The following PPP4R3B variants were observed in gnomAD, a reference collection of about 807,000 sequenced individuals.
PPP4R3B encodes the protein serine/threonine-protein phosphatase 4 regulatory subunit 3B.
Under a neutral mutation model 95.4 loss-of-function variants are expected in PPP4R3B, and 52 were observed. That is an observed-to-expected ratio of 0.54 (90% confidence interval 0.44 to 0.69). The LOEUF (loss-of-function observed/expected upper bound fraction) is 0.69, where lower values mean the gene tolerates loss of function less well. Among genes scored for constraint, PPP4R3B ranks in the 30% least tolerant of loss-of-function variants. The pLI, the probability that PPP4R3B is intolerant of heterozygous loss-of-function variation, is 0.00. For missense variants in PPP4R3B, 1,003 were observed against 1,005.9 expected (o/e 1.00, Z 0.04); for synonymous variants, 407 against 343.9 (o/e 1.18, Z -2.03).
chr2:55,601,934 T>TTAAAC (rs780929808), intron 3 of PPP4R3B, among the ~76,000 whole-genome samples: 1 of 152,138 alleles, frequency 6.6e-6, no homozygotes, highest in Non-Finnish European at 1.5e-5. Flanking sequence ...ATTTGAATAA[T>TTAAAC]TAAACTAAAC....
Position 55,551,236 on chromosome 2 carries a change from C to A in PPP4R3B, c.2455-1230G>T, listed in dbSNP as rs111353219. Among the ~76,000 whole-genome samples the A allele has an allele frequency of 8.0e-4, 122 of 152,172 alleles. 1 individual carries two copies. Among genetic ancestry groups the A allele is most frequent in the African/African-American group, 2.7e-3 (112 of 41,510 alleles). On this transcript the variant is annotated intron_variant, in intron 16 of 16. Transcript: ENST00000616407. ...TGGCGTGATGGCAGGCACCTGTAGT[C>A]CCAGCTACTCGGGAGGCTGAGGGAC...
intron 16 of PPP4R3B, 71 bp from the exon 17 acceptor site, chr2:55,550,077 C>G: frequency 1.1e-6 from 1 of 944,008 alleles, no homozygotes; most frequent in Non-Finnish European, 1.6e-6. Context: ...CAAATACAAT[C>G]ACTTGTAAAA....
intron 6 of PPP4R3B, 126 bp from the exon 7 acceptor site, chr2:55,585,293 A>G: frequency 6.7e-6 from 4 of 596,794 alleles, no homozygotes; most frequent in Non-Finnish European, 8.6e-6. Context: ...ACTGCAATCA[A>G]TGTGTATAAC....
intron 2 of PPP4R3B, among the ~76,000 whole-genome samples, chr2:55,613,610 C>A (rs1184952436): frequency 6.6e-6 from 1 of 152,000 alleles, no homozygotes; most frequent in Non-Finnish European, 1.5e-5. Context: ...GTATTTTTAA[C>A]TTATGTTGGG....
In PPP4R3B at chr2:55,580,721, A is replaced by G. The variant is rs1037928072; in HGVS notation, c.1365+846T>C. Among the ~76,000 whole-genome samples the G allele has an allele frequency of 7.9e-5, 12 of 152,330 alleles. No homozygotes were observed. In the South Asian group the frequency reaches 8.3e-4, roughly 11 times the overall value. ...ATTTTTTACACAATTGGGTATACAAACTTGTAATGATTTAAAAACGATGTA... is the reference window on the plus strand; with the variant it reads ...ATTTTTTACACAATTGGGTATACAAGCTTGTAATGATTTAAAAACGATGTA... On this transcript the variant is annotated intron_variant, in intron 8 of 16. Transcript: ENST00000616407.
intron 15 of PPP4R3B, among the ~76,000 whole-genome samples, chr2:55,559,980 G>C (rs1686382065): frequency 6.6e-6 from 1 of 152,074 alleles, no homozygotes; most frequent in African/African-American, 2.4e-5. Flanking sequence ...AAATTAGCTG[G>C]GGGTGGTGGT....
At position 55,617,346 on chromosome 2, in the gene PPP4R3B, C is replaced by G; in HGVS notation, c.-61G>C. 1 of 1,489,490 alleles carries G rather than the reference C, an allele frequency of 6.7e-7. No individual in the cohort carries two copies. The highest frequency in any genetic ancestry group is 9.0e-7 in the Non-Finnish European group (1 of 1,114,348). The allele number at this position is 1,489,490 out of a possible 1,614,324, so 92.3% of individuals were successfully genotyped here. ...CCTCGCTTACCTCGTCCGCGCTCCT[C>G]ACTCTTAGGAGACGGTAAAGGCAGT... On this transcript the variant is annotated 5_prime_UTR_variant, in exon 1 of 17. Coordinates refer to ENST00000616407, the MANE Select transcript of PPP4R3B (RefSeq NM_001122964.3).
At chr2:55,576,455 A>G (rs1461058216) in intron 11 of PPP4R3B, among the ~76,000 whole-genome samples, 3 of 151,786 alleles carry the variant, frequency 2.0e-5, no homozygotes, top group Non-Finnish European at 4.4e-5. Context: ...TAAAAAAACA[A>G]AAACAGGCCG....
At chr2:55,582,921 G>C (rs374491715) in intron 7 of PPP4R3B, among the ~76,000 whole-genome samples, 7 of 152,218 alleles carry the variant, frequency 4.6e-5, no homozygotes, top group Non-Finnish European at 8.8e-5. Context: ...ATAAAAATAT[G>C]TGCAATCTGT....
At chr2:55,596,536 A>G (rs192233178) in intron 4 of PPP4R3B, among the ~76,000 whole-genome samples, 4 of 152,372 alleles carry the variant, frequency 2.6e-5, no homozygotes, top group Admixed American at 2.6e-4. Context: ...TTCTGTTTCC[A>G]AAGTCAATAT....
intron 12 of PPP4R3B, among the ~76,000 whole-genome samples, chr2:55,569,568 ATC>A (rs942155988): frequency 1.3e-5 from 2 of 152,096 alleles, no homozygotes; most frequent in African/African-American, 2.4e-5. Context: ...GGTGTAAGCT[ATC>A]TCTCTCTCTT....
At chr2:55,576,860 C>G (rs1401170410) in intron 11 of PPP4R3B, among the ~76,000 whole-genome samples, 1 of 152,170 alleles carries the variant, frequency 6.6e-6, no homozygotes, top group African/African-American at 2.4e-5. Context: ...TTTGATGAGG[C>G]TGGCAGAAAA....
At chr2:55,579,898 G>A in intron 8 of PPP4R3B, 117 bp from the exon 9 acceptor site, 1 of 530,658 alleles carries the variant, frequency 1.9e-6, no homozygotes, top group Non-Finnish European at 3.2e-6. Context: ...TAGCAGTACA[G>A]ATCATATATA....
Position 55,615,477 on chromosome 2 carries a change from G to T in PPP4R3B, c.172C>A (p.Pro58Thr). 1 of 1,592,952 alleles carries T rather than the reference G, an allele frequency of 6.3e-7. No homozygotes were observed. The highest frequency in any genetic ancestry group is 1.1e-5 in the South Asian group (1 of 87,720). The change falls in exon 2 of 17, where the codon CCA (proline) becomes ACA (threonine). Residue 58 changes from proline (P) to threonine (T), a missense_variant. Coordinates refer to ENST00000616407, the MANE Select transcript of PPP4R3B (RefSeq NM_001122964.3). ...GSLLLESKIN[P>T]NTAYQKQQDT... ...TGTTGTTTCTGATATGCAGTATTTG[G>T]ATTTATCTTTGATTCCAAGAGTAGT...
chr2:55,600,244 T>C (rs1273988476), intron 3 of PPP4R3B, among the ~76,000 whole-genome samples: 1 of 151,938 alleles, frequency 6.6e-6, no homozygotes, highest in Non-Finnish European at 1.5e-5. Flanking sequence ...CTGACCAACA[T>C]GGAGAAACCC....
Position 55,598,875 on chromosome 2 carries a change from G to A in PPP4R3B, c.462C>T (p.Ser154=). The A allele has an allele frequency of 6.2e-7, 1 of 1,614,200 alleles. No homozygotes were observed. The highest frequency in any genetic ancestry group is 8.5e-7 in the Non-Finnish European group (1 of 1,180,032). Residue 154 remains serine (S), a synonymous_variant, in exon 4 of 17, where the codon TCC becomes TCT. Coordinates refer to ENST00000616407, the MANE Select transcript of PPP4R3B (RefSeq NM_001122964.3). ...CCAGCTTTTCCCTACGGATAGGTGAGGAGAGCACTGAGGTAACTAAGTCAG... is the reference window on the plus strand; with the variant it reads ...CCAGCTTTTCCCTACGGATAGGTGAAGAGAGCACTGAGGTAACTAAGTCAG... The part of the protein sequence containing the change: ...EIADLVTSVL[S]SPIRREKLAL...
At chr2:55,572,023 A>G (rs1688069399) in intron 12 of PPP4R3B, among the ~76,000 whole-genome samples, 1 of 152,240 alleles carries the variant, frequency 6.6e-6, no homozygotes, top group African/African-American at 2.4e-5. Flanking sequence ...TTCAATTCAG[A>G]AGGAAAGAGG....
chr2:55,565,952 A>G (rs1245460408), intron 13 of PPP4R3B: 1 of 152,244 alleles, frequency 6.6e-6, no homozygotes. Context: ...AACTATCTGG[A>G]ATTCTACTTG....
At chr2:55,594,080 T>C (rs1009697577) in intron 4 of PPP4R3B, among the ~76,000 whole-genome samples, 2 of 152,302 alleles carry the variant, frequency 1.3e-5, no homozygotes, top group African/African-American at 4.8e-5. Context: ...ATATATCGCA[T>C]GTTCTCACTT....
Sources: gnomAD v4.1 joint callset for allele counts (sites outside exome capture counted in the v4.1 genomes callset) on GRCh38, gnomAD v4.1.1 for gene constraint, MANE v1.5 for transcripts, NCBI Gene and HGNC (gene_info 2026-07-23, HGNC 2026-07-21) for gene names.